TEK: variants seen among roughly 807,000 people sequenced by gnomAD.
TEK encodes the protein TEK receptor tyrosine kinase.
TEK carries 43 observed loss-of-function variants against 131.8 expected under a neutral mutation model. The observed-to-expected ratio is 0.33, with a 90% CI of 0.26 to 0.42. The LOEUF (loss-of-function observed/expected upper bound fraction) is 0.42, where lower values mean the gene tolerates loss of function less well. Among genes scored for constraint, TEK ranks in the 10% least tolerant of loss-of-function variants. The probability of loss-of-function intolerance (pLI) is 1.00; values close to 1 mark genes in which losing one functional copy is unlikely to be tolerated. For synonymous variants in TEK, 580 were observed against 491.6 expected, an observed-to-expected ratio of 1.18 and a Z score of -2.38; for missense variants, 1,162 against 1,384.4, an observed-to-expected ratio of 0.84 and a Z score of 2.55.
intron 1 of TEK, among the ~76,000 whole-genome samples, chr9:27,111,515 T>G (rs1034621754): frequency 6.9e-6 from 1 of 144,428 alleles, no homozygotes; most frequent in Non-Finnish European, 1.5e-5. Flanking sequence ...TTGTTTCTTT[T>G]TTCTGAACCC....
chr9:27,193,902 G>T (rs1165328041), intron 11 of TEK, among the ~76,000 whole-genome samples: 1 of 152,086 alleles, frequency 6.6e-6, no homozygotes, highest in African/African-American at 2.4e-5. Flanking sequence ...TATCTCCTGG[G>T]CTCAAGTCAT....
At chr9:27,134,750 C>T (rs766367779) in intron 1 of TEK, among the ~76,000 whole-genome samples, 2 of 152,134 alleles carry the variant, frequency 1.3e-5, no homozygotes, top group Non-Finnish European at 2.9e-5. Context: ...AACTTGTTTT[C>T]ATGATCCCCT....
chr9:27,113,833 C>T (rs1181357430), intron 1 of TEK, among the ~76,000 whole-genome samples: 2 of 152,214 alleles, frequency 1.3e-5, no homozygotes, highest in Admixed American at 6.5e-5. Context: ...CTACCCTCCC[C>T]TCACTTATCC....
At chr9:27,111,352 G>A (rs1821338217) in intron 1 of TEK, among the ~76,000 whole-genome samples, 1 of 152,164 alleles carries the variant, frequency 6.6e-6, no homozygotes, top group Non-Finnish European at 1.5e-5. Flanking sequence ...GAGCATGACT[G>A]CTCAAGGCTT....
At chr9:27,149,512 A>C (rs1823047702) in intron 1 of TEK, among the ~76,000 whole-genome samples, 1 of 152,222 alleles carries the variant, frequency 6.6e-6, no homozygotes, top group Non-Finnish European at 1.5e-5. Flanking sequence ...TAGGAAGGCT[A>C]GGTGACTTCT....
intron 16 of TEK, among the ~76,000 whole-genome samples, chr9:27,211,786 A>T (rs1825641989): frequency 2.0e-5 from 3 of 152,118 alleles, no homozygotes; most frequent in African/African-American, 7.2e-5. Flanking sequence ...TCTAATTCAT[A>T]CATCATTTTA....
intron 1 of TEK, 53 bp from the exon 2 acceptor site, chr9:27,157,778 T>A (rs1823388324): frequency 6.3e-7 from 1 of 1,591,678 alleles, no homozygotes; most frequent in African/African-American, 1.3e-5. Flanking sequence ...GTTTACCCAA[T>A]GGGGTCATGT....
At chr9:27,199,580 T>C (rs1300156493) in intron 12 of TEK, among the ~76,000 whole-genome samples, 1 of 152,220 alleles carries the variant, frequency 6.6e-6, no homozygotes, top group Non-Finnish European at 1.5e-5. Context: ...GGTGCCTCAT[T>C]GTTAATTTCA....
chr9:27,150,274 C>T (rs930257388), intron 1 of TEK, among the ~76,000 whole-genome samples: 8 of 152,196 alleles, frequency 5.3e-5, no homozygotes, highest in African/African-American at 1.4e-4. Flanking sequence ...CAATCACCAA[C>T]TGGTCTCTTT....
At position 27,213,533 on chromosome 9, in the gene TEK, A is replaced by G. The variant is rs1427762794; in HGVS notation, c.2927A>G (p.Tyr976Cys). 3 of 1,614,098 alleles carry G rather than the reference A, an allele frequency of 1.9e-6. No individual in the cohort carries two copies. The highest frequency in any genetic ancestry group is 2.2e-5 in the East Asian group (1 of 44,878). Residue 976 changes from tyrosine (Y) to cysteine (C), a missense_variant, in exon 18 of 23, where the codon TAT becomes TGT. Tyr to Cys is a radical substitution (Grantham distance 194). Around this residue, in one of 6 missense-constraint regions of TEK, gnomAD observed 107 missense variants for 173.9 expected, o/e 0.62. Transcript: ENST00000380036. Reference protein sequence around the residue: ...AARNILVGENYVAKIADFGLS... With the variant: ...AARNILVGENCVAKIADFGLS... ...AGAAACATTTTAGTTGGTGAAAACTATGTGGCAAAAATAGCAGATTTTGGA... is the reference window on the plus strand; with the variant it reads ...AGAAACATTTTAGTTGGTGAAAACTGTGTGGCAAAAATAGCAGATTTTGGA...
intron 1 of TEK, among the ~76,000 whole-genome samples, chr9:27,142,225 C>G (rs1822751440): frequency 1.3e-5 from 2 of 152,162 alleles, no homozygotes; most frequent in East Asian, 3.8e-4. Flanking sequence ...TTGACAATAA[C>G]TTGGAGTTTT....
chr9:27,111,077 C>T (rs1252423167), intron 1 of TEK, among the ~76,000 whole-genome samples: 1 of 151,956 alleles, frequency 6.6e-6, no homozygotes, highest in African/African-American at 2.4e-5. Flanking sequence ...TTTTTTTACT[C>T]CTAAAGCAAC....
intron 1 of TEK, among the ~76,000 whole-genome samples, chr9:27,144,143 G>A (rs376394843): frequency 2.6e-5 from 4 of 152,164 alleles, no homozygotes; most frequent in Admixed American, 6.5e-5. Context: ...TTAGCTGGGC[G>A]TGGTGGTGCA....
In TEK at chr9:27,153,679, T is replaced by C. The variant is rs542128128; in HGVS notation, c.53-4152T>C. ...ACATGATTTGGAGAGGATAGCGCTA[T>C]AATGTAAGAAAGGGTATTAAGCAGA... On this transcript the variant is annotated intron_variant, in intron 1 of 22. Coordinates refer to ENST00000380036, the MANE Select transcript of TEK (RefSeq NM_000459.5). Among the ~76,000 whole-genome samples the C allele has an allele frequency of 2.2e-3, 336 of 152,306 alleles. 2 individuals are homozygous for C. Among genetic ancestry groups the C allele is most frequent in the African/African-American group, 7.8e-3 (323 of 41,562 alleles).
chr9:27,210,993 A>T (rs1825592092), intron 16 of TEK, among the ~76,000 whole-genome samples: 1 of 152,020 alleles, frequency 6.6e-6, no homozygotes, highest in Admixed American at 6.6e-5. Context: ...CTAGTGGCGC[A>T]TGCCTGTAGT....
intron 1 of TEK, among the ~76,000 whole-genome samples, chr9:27,129,028 G>A (rs1388764889): frequency 6.6e-6 from 1 of 152,164 alleles, no homozygotes; most frequent in Non-Finnish European, 1.5e-5. Context: ...TAGGAGTGGT[G>A]ACAGAGGGCA....
Position 27,129,310 on chromosome 9 carries a change from G to T in TEK, c.52+19668G>T, listed in dbSNP as rs550988926. 2.0e-5 allele frequency among the ~76,000 whole-genome samples: 3 copies of T among 152,258 alleles called. No individual in the cohort carries two copies. The East Asian group carries it at 5.8e-4, about 29-fold the overall frequency. On this transcript the variant is annotated intron_variant, in intron 1 of 22. Coordinates refer to ENST00000380036, the MANE Select transcript of TEK (RefSeq NM_000459.5). ...TTTTTAGCAGGTCAAAGGAAAAGAT[G>T]ATTTGTGCTGTACAGTGTGTAAAAT...
intron 1 of TEK, among the ~76,000 whole-genome samples, chr9:27,128,124 T>C (rs936348305): frequency 6.6e-6 from 1 of 152,244 alleles, no homozygotes; most frequent in Non-Finnish European, 1.5e-5. Flanking sequence ...AACTTGTAAG[T>C]CTTTAATCCA....
At chr9:27,218,916 ATGTGGTTCTACC>A in intron 20 of TEK, 99 bp downstream of exon 20, 1 of 1,181,152 alleles carries the variant, frequency 8.5e-7, no homozygotes, top group Non-Finnish European at 1.3e-6. Context: ...TGCCGTTTGT[ATGTGGTTCTACC>A]AGATGTGACT....
Sources: allele counts gnomAD v4.1 joint callset (sites outside exome capture counted in the v4.1 genomes callset), GRCh38; gene constraint gnomAD v4.1.1; regional missense constraint gnomAD v4.1.1; transcripts MANE v1.5; gene names NCBI Gene and HGNC (gene_info 2026-07-23, HGNC 2026-07-21).